Variants in FGF10 observed in about 807,000 individuals in gnomAD.
The protein encoded by FGF10 is fibroblast growth factor 10, also known as FGF-10.
A neutral mutation model predicts 19.8 loss-of-function variants in FGF10; 2 were observed. The ratio of observed to expected loss-of-function variants is 0.10; its 90% CI spans 0.04 to 0.32. The LOEUF (loss-of-function observed/expected upper bound fraction) is 0.32, where lower values mean the gene tolerates loss of function less well. Among genes scored for constraint, FGF10 ranks in the 10% least tolerant of loss-of-function variants. The pLI is 1.00. For synonymous variants in FGF10, 112 were observed against 94.0 expected (o/e 1.19, Z -1.10); for missense variants, 191 against 246.3 (o/e 0.78, Z 1.50).
chr5:44,345,138 A>G (rs1308788684), intron 1 of FGF10, among the ~76,000 whole-genome samples: 1 of 151,914 alleles, frequency 6.6e-6, no homozygotes, highest in East Asian at 1.9e-4. Context: ...GCTTTTCATC[A>G]TAATGTAGGT....
At chr5:44,362,830 C>T (rs1017421034) in intron 1 of FGF10, among the ~76,000 whole-genome samples, 2 of 151,616 alleles carry the variant, frequency 1.3e-5, no homozygotes, top group African/African-American at 4.8e-5. Flanking sequence ...AACACTCAGA[C>T]CTAGGCAGGG....
chr5:44,310,571 A>T, intron 1 of FGF10, 41 bp from the exon 2 acceptor site: 1 of 1,392,814 alleles, frequency 7.2e-7, no homozygotes, highest in Non-Finnish European at 1.0e-6. Context: ...AAGAATCCTA[A>T]ATATATTTGG....
At chr5:44,387,233 G>A (rs1742121287) in intron 1 of FGF10, among the ~76,000 whole-genome samples, 1 of 152,134 alleles carries the variant, frequency 6.6e-6, no homozygotes, top group Non-Finnish European at 1.5e-5. Flanking sequence ...GAGTAATCTG[G>A]GTTTGCTGGG....
At chr5:44,320,165 T>G (rs553301893) in intron 1 of FGF10, among the ~76,000 whole-genome samples, 1 of 152,308 alleles carries the variant, frequency 6.6e-6, no homozygotes, top group East Asian at 1.9e-4. Flanking sequence ...GATGCAAATA[T>G]AGATGAACGT....
rs1739997018 is a variant in FGF10 at position 44,302,999 on chromosome 5, A to G, written c.*1996T>C. 6.6e-6 allele frequency among the ~76,000 whole-genome samples: 1 copy of G among 152,202 alleles called. No individual in the cohort carries two copies. Reference sequence around the variant, plus strand: ...AGATACCTAGTTTTGATAGGAATGCATTACATTATAGCTCACAGACTGAGT... The same window carrying G: ...AGATACCTAGTTTTGATAGGAATGCGTTACATTATAGCTCACAGACTGAGT... On this transcript the variant is annotated 3_prime_UTR_variant, in exon 3 of 3. Coordinates refer to ENST00000264664, the MANE Select transcript of FGF10 (RefSeq NM_004465.2).
At chr5:44,310,682 C>A (rs1740191911) in intron 1 of FGF10, 152 bp from the exon 2 acceptor site, 2 of 641,518 alleles carry the variant, frequency 3.1e-6, no homozygotes, top group Admixed American at 2.5e-5. Context: ...ACAAGCAAAT[C>A]TTTTTCAATG....
chr5:44,352,757 C>T (rs1741263090), intron 1 of FGF10, among the ~76,000 whole-genome samples: 1 of 151,596 alleles, frequency 6.6e-6, no homozygotes, highest in African/African-American at 2.4e-5. Context: ...TTTGAAAGTG[C>T]TCCCAGGATT....
chr5:44,300,316 A>G lies in FGF10; in HGVS notation c.*4679T>C, dbSNP rs937630451. On this transcript the variant is annotated 3_prime_UTR_variant, in exon 3 of 3. Coordinates refer to ENST00000264664, the MANE Select transcript of FGF10 (RefSeq NM_004465.2). ...CATCAGGGTTTCAGATTTTTTCTAT[A>G]TGTCGATACACTTGAAAATACTAGC... is the stretch of plus-strand genomic sequence containing the variant. Among the ~76,000 whole-genome samples the G allele has an allele frequency of 1.3e-5, 2 of 151,994 alleles. No homozygotes were observed. The highest frequency in any genetic ancestry group is 2.9e-5 in the Non-Finnish European group (2 of 67,982).
At chr5:44,356,030 C>G (rs942118446) in intron 1 of FGF10, among the ~76,000 whole-genome samples, 13 of 151,430 alleles carry the variant, frequency 8.6e-5, no homozygotes, top group Non-Finnish European at 1.6e-4. Flanking sequence ...AATTCCAGCT[C>G]CATTCCTAAA....
intron 1 of FGF10, among the ~76,000 whole-genome samples, chr5:44,334,070 A>G (rs1740794435): frequency 6.6e-6 from 1 of 152,048 alleles, no homozygotes; most frequent in African/African-American, 2.4e-5. Context: ...TGCTACAACT[A>G]GGAGGGGCAT....
intron 1 of FGF10, among the ~76,000 whole-genome samples, chr5:44,322,984 A>C (rs2111732832): frequency 6.6e-6 from 1 of 152,264 alleles, no homozygotes; most frequent in Admixed American, 6.5e-5. Context: ...GTGCCAAAAA[A>C]GTTGGGGAAC....
At chr5:44,310,304 C>G in intron 2 of FGF10, 123 bp downstream of exon 2, 1 of 697,024 alleles carries the variant, frequency 1.4e-6, no homozygotes, top group South Asian at 1.5e-5. Context: ...GTGACTAACC[C>G]ACTGTGGCTC....
intron 1 of FGF10, among the ~76,000 whole-genome samples, chr5:44,322,844 T>C (rs945519750): frequency 2.6e-5 from 4 of 151,942 alleles, no homozygotes; most frequent in Admixed American, 2.6e-4. Flanking sequence ...ATAATTATGT[T>C]ATTATATATT....
chr5:44,387,269 C>A (rs1742122600), intron 1 of FGF10, among the ~76,000 whole-genome samples: 1 of 152,118 alleles, frequency 6.6e-6, no homozygotes, highest in South Asian at 2.1e-4. Context: ...ACACAATATC[C>A]ACCCCTCTTC....
intron 1 of FGF10, among the ~76,000 whole-genome samples, chr5:44,333,465 G>C (rs973208659): frequency 1.3e-5 from 2 of 152,128 alleles, no homozygotes; most frequent in Non-Finnish European, 2.9e-5. Flanking sequence ...CTATGTTAAA[G>C]TATAACAAAA....
intron 1 of FGF10, among the ~76,000 whole-genome samples, chr5:44,329,864 G>C (rs376130453): frequency 6.6e-6 from 1 of 152,064 alleles, no homozygotes; most frequent in Non-Finnish European, 1.5e-5. Flanking sequence ...GTGAATTTGC[G>C]CTAAATTCCT....
intron 1 of FGF10, among the ~76,000 whole-genome samples, chr5:44,355,641 A>T (rs1214680142): frequency 6.6e-6 from 1 of 151,308 alleles, no homozygotes; most frequent in African/African-American, 2.4e-5. Flanking sequence ...AAACAGGGAG[A>T]ATATAATGGT....
chr5:44,389,295 G>C lies in FGF10; in HGVS notation c.-613C>G, dbSNP rs1220564298. 1 of 157,590 alleles carries C rather than the reference G, an allele frequency of 6.3e-6. No individual in the cohort carries two copies. Among genetic ancestry groups the C allele is most frequent in the Non-Finnish European group, 1.4e-5 (1 of 71,370 alleles). 9.8% of individuals were successfully genotyped at this position (157,590 alleles called of 1,614,324 possible). ...TGTTTTTAGTGGTGCCTGCCGATTT[G>C]AAGGCTGCCGAAAGTCACTTTTTGT... On this transcript the variant is annotated 5_prime_UTR_variant, in exon 1 of 3. Coordinates refer to ENST00000264664, the MANE Select transcript of FGF10 (RefSeq NM_004465.2).
intron 1 of FGF10, among the ~76,000 whole-genome samples, chr5:44,376,509 A>AAAC (rs1554039730): frequency 2.1e-5 from 3 of 141,802 alleles, no homozygotes; most frequent in African/African-American, 7.9e-5. Context: ...AAAAAAAAAA[A>AAAC]AAAAAAAACA....
Sources: allele counts gnomAD v4.1 joint callset (sites outside exome capture counted in the v4.1 genomes callset), GRCh38; gene constraint gnomAD v4.1.1; transcripts MANE v1.5; gene names NCBI Gene and HGNC (gene_info 2026-07-23, HGNC 2026-07-21).